HDAC4: variants seen among roughly 807,000 people sequenced by gnomAD.
HDAC4 encodes histone deacetylase 4, also known as histone deacetylase A.
In HDAC4, 16 loss-of-function variants were observed where a neutral mutation model predicts 135.1. The observed-to-expected ratio is 0.12, with a 90% CI of 0.08 to 0.18. The LOEUF (loss-of-function observed/expected upper bound fraction) is 0.18. Among genes scored for constraint, HDAC4 ranks in the 10% least tolerant of loss-of-function variants. The probability of loss-of-function intolerance (pLI) is 1.00; values close to 1 mark genes in which losing one functional copy is unlikely to be tolerated. For missense variants in HDAC4, 1,143 were observed against 1,511.8 expected (o/e 0.76, Z 4.05); for synonymous variants, 685 against 653.4 (o/e 1.05, Z -0.74).
At chr2:239,256,209 A>G (rs1183135044) in intron 2 of HDAC4, among the ~76,000 whole-genome samples, 1 of 152,244 alleles carries the variant, frequency 6.6e-6, no homozygotes, top group South Asian at 2.1e-4. Context: ...AAAACAGCAA[A>G]CAAGTTCAGT....
In HDAC4 at chr2:239,240,374, T is replaced by C. The variant is rs2048110719; in HGVS notation, c.23-3710A>G. Among the ~76,000 whole-genome samples the C allele has an allele frequency of 6.6e-6, 1 of 152,250 alleles. No homozygotes were observed. The highest frequency in any genetic ancestry group is 6.5e-5 in the Admixed American group (1 of 15,290). ...ATTCTTAACGCTGTGTTTTTTCAGA[T>C]ATCATATTCCAGAGTGAGTTAAAAT... On this transcript the variant is annotated intron_variant, in intron 2 of 26. Coordinates refer to ENST00000543185, the MANE Select transcript of HDAC4 (RefSeq NM_001378414.1). The surrounding 1 kb of genome is among the most constrained non-coding windows in gnomAD (Gnocchi z 4.5).
chr2:239,053,390 C>G, intron 26 of HDAC4, 70 bp downstream of exon 26: 1 of 1,577,496 alleles, frequency 6.3e-7, no homozygotes, highest in Non-Finnish European at 8.6e-7. Context: ...GGTTCTGACC[C>G]TGAATAGTGT....
At chr2:239,213,835 G>A (rs747198995) in intron 3 of HDAC4, among the ~76,000 whole-genome samples, 2 of 152,222 alleles carry the variant, frequency 1.3e-5, no homozygotes. Flanking sequence ...TGCCCTCCAT[G>A]AGTACACAGC....
At chr2:239,082,066 C>T (rs2035391243) in intron 21 of HDAC4, 36 bp downstream of exon 21, 11 of 1,612,284 alleles carry the variant, frequency 6.8e-6, no homozygotes, top group Non-Finnish European at 8.5e-6. Flanking sequence ...CCGCAGTCCC[C>T]CTTTCCCCCC....
At chr2:239,252,964 G>A (rs1001532820) in intron 2 of HDAC4, among the ~76,000 whole-genome samples, 3 of 152,218 alleles carry the variant, frequency 2.0e-5, no homozygotes, top group Non-Finnish European at 4.4e-5. Flanking sequence ...CGGAGAGCCC[G>A]CTGGCCACGG....
rs2042459006 is a variant in HDAC4, at chr2:239,156,896, ACC to A, written c.612-125_612-124del. The A allele has an allele frequency of 3.5e-5, 29 of 830,908 alleles. 1 individual carries two copies. The South Asian group carries it at 5.1e-4, about 15-fold the overall frequency. 51.5% of individuals were successfully genotyped at this position (830,908 alleles called of 1,614,324 possible). On this transcript the variant is annotated intron_variant, in intron 6 of 26. Coordinates refer to ENST00000543185, the MANE Select transcript of HDAC4 (RefSeq NM_001378414.1). The stretch of plus-strand genomic sequence containing the variant: ...ACCTCAGCCCCACCTCAACAGACAC[ACC>A]TTTTCCCTAGGGTCAAGCTGAAATT...
intron 3 of HDAC4, among the ~76,000 whole-genome samples, chr2:239,203,375 C>T (rs758419275): frequency 6.6e-6 from 1 of 152,154 alleles, no homozygotes. Flanking sequence ...TACGTTTGAC[C>T]GTGCTCAGAT....
intron 9 of HDAC4, 76 bp from the exon 10 acceptor site, chr2:239,134,719 G>A: frequency 9.6e-7 from 1 of 1,038,684 alleles, no homozygotes; most frequent in South Asian, 1.3e-5. Context: ...GAAAAACAAC[G>A]ATGAAAACAC....
chr2:239,052,876 C>T lies in HDAC4; in HGVS notation c.*221G>A. On this transcript the variant is annotated 3_prime_UTR_variant, in exon 27 of 27. Coordinates refer to ENST00000543185, the MANE Select transcript of HDAC4 (RefSeq NM_001378414.1). ...GTGTCTGCGCGTCGCCGGCGTCTGT[C>T]CCGTGTTCCCTGTGAGGCTGCCACG... 1 of 608,988 alleles carries T rather than the reference C, an allele frequency of 1.6e-6. No homozygotes were observed. The allele number at this position is 608,988 out of a possible 1,614,324, so 37.7% of individuals were successfully genotyped here. A position where few individuals can be genotyped will look rare whatever the true frequency, so the allele number is the denominator to read the frequency against.
At chr2:239,218,067 G>C (rs2046741893) in intron 3 of HDAC4, among the ~76,000 whole-genome samples, 2 of 152,152 alleles carry the variant, frequency 1.3e-5, no homozygotes, top group Admixed American at 1.3e-4. Flanking sequence ...ACTCCAGCCT[G>C]GGCGACAGAG....
At chr2:239,183,387 C>T (rs1453157666) in intron 4 of HDAC4, among the ~76,000 whole-genome samples, 3 of 152,352 alleles carry the variant, frequency 2.0e-5, no homozygotes, top group South Asian at 2.1e-4. Flanking sequence ...GCAGATGCCG[C>T]GCCCGCATAA....
At chr2:239,391,082 C>G (rs999720645) in intron 1 of HDAC4, among the ~76,000 whole-genome samples, 2 of 152,178 alleles carry the variant, frequency 1.3e-5, no homozygotes, top group Non-Finnish European at 1.5e-5. Context: ...GGCTCGGCCT[C>G]GATACGAATC....
chr2:239,360,074 G>A (rs1274367457), intron 1 of HDAC4, among the ~76,000 whole-genome samples: 1 of 152,166 alleles, frequency 6.6e-6, no homozygotes, highest in Non-Finnish European at 1.5e-5. Context: ...CGGGGTAGCT[G>A]GCAAAGCAGG....
Position 239,391,972 on chromosome 2 carries a change from G to A in HDAC4, c.-220+9006C>T, listed in dbSNP as rs75766789. Among the ~76,000 whole-genome samples the A allele has an allele frequency of 7.2e-3, 1,094 of 152,334 alleles. 5 individuals carry two copies. The highest frequency in any genetic ancestry group is 0.054 in the Middle Eastern group (16 of 294). On this transcript the variant is annotated intron_variant, in intron 1 of 26. Transcript: ENST00000543185. ...AGACACTCTTCTTCAGGGAGGGACCGCGGGAAGCACTGCACATGGTTGGTT... is the reference window on the plus strand; with the variant it reads ...AGACACTCTTCTTCAGGGAGGGACCACGGGAAGCACTGCACATGGTTGGTT...
intron 11 of HDAC4, among the ~76,000 whole-genome samples, chr2:239,132,230 C>T (rs1236686232): frequency 6.6e-6 from 1 of 152,232 alleles, no homozygotes; most frequent in East Asian, 1.9e-4. Context: ...TTAGTATCCC[C>T]ACTTCCTAGA....
At position 239,309,520 on chromosome 2, in the gene HDAC4, C is replaced by T. The variant is rs2052771158; in HGVS notation, c.22+43158G>A. ...CTGCTTCCTTCCTCTCACTCCACAT[C>T]CGAGTTAGAGGGAAATACGATTTAT... On this transcript the variant is annotated intron_variant, in intron 2 of 26. Transcript: ENST00000543185. The surrounding 1 kb of genome is among the most constrained non-coding windows in gnomAD (Gnocchi z 4.2). Among the ~76,000 whole-genome samples the T allele has an allele frequency of 6.6e-6, 1 of 152,368 alleles. No homozygotes were observed. Among genetic ancestry groups the T allele is most frequent in the South Asian group, 2.1e-4 (1 of 4,832 alleles).
At chr2:239,129,509 C>T (rs942073212) in intron 11 of HDAC4, among the ~76,000 whole-genome samples, 2 of 152,208 alleles carry the variant, frequency 1.3e-5, no homozygotes, top group Non-Finnish European at 2.9e-5. Context: ...GGCTCCTCCC[C>T]TGGGCATCTT....
At chr2:239,246,968 G>A (rs2048502979) in intron 2 of HDAC4, among the ~76,000 whole-genome samples, 1 of 152,262 alleles carries the variant, frequency 6.6e-6, no homozygotes, top group Admixed American at 6.5e-5. Flanking sequence ...AGTTTCACCA[G>A]AGCCAGTGGG....
chr2:239,377,849 G>A (rs1480168129), intron 1 of HDAC4, among the ~76,000 whole-genome samples: 1 of 152,146 alleles, frequency 6.6e-6, no homozygotes, highest in Non-Finnish European at 1.5e-5. Context: ...ACCGCGCTGA[G>A]CTCAGCTGCC....
Sources: gnomAD v4.1 joint callset for allele counts (sites outside exome capture counted in the v4.1 genomes callset) on GRCh38, gnomAD v4.1.1 for gene constraint, Gnocchi (gnomAD v3.1) non-coding constraint, MANE v1.5 for transcripts, NCBI Gene and HGNC (gene_info 2026-07-23, HGNC 2026-07-21) for gene names.